RAD17: variants seen among roughly 807,000 people sequenced by gnomAD.
RAD17 encodes cell cycle checkpoint protein RAD17.
In RAD17, 31 loss-of-function variants were observed where a neutral mutation model predicts 81.5. The observed-to-expected ratio is 0.38, with a 90% CI of 0.29 to 0.51. The LOEUF (loss-of-function observed/expected upper bound fraction) is 0.51. Among genes scored for constraint, RAD17 ranks in the 20% least tolerant of loss-of-function variants. The pLI, the probability that RAD17 is intolerant of heterozygous loss-of-function variation, is 0.88. For synonymous variants in RAD17, 261 were observed against 266.2 expected (o/e 0.98, Z 0.19); for missense variants, 681 against 781.2 (o/e 0.87, Z 1.53).
intron 16 of RAD17, among the ~76,000 whole-genome samples, chr5:69,398,669 G>A (rs1485990582): frequency 6.6e-6 from 1 of 151,720 alleles, no homozygotes; most frequent in African/African-American, 2.4e-5. Flanking sequence ...TGCCAGGTGT[G>A]GTGGTGCGCT....
chr5:69,411,898 C>G (rs1766028153), intron 18 of RAD17, among the ~76,000 whole-genome samples: 1 of 152,112 alleles, frequency 6.6e-6, no homozygotes, highest in African/African-American at 2.4e-5. Context: ...GAATGAGAAT[C>G]TTCACTATTT....
intron 3 of RAD17, 93 bp from the exon 4 acceptor site, chr5:69,371,941 C>G (rs1047844117): frequency 7.3e-5 from 45 of 615,404 alleles, no homozygotes; most frequent in Non-Finnish European, 9.9e-5. Flanking sequence ...TTCATGCATG[C>G]AGGGTAGCTA....
upstream of RAD17, chr5:69,369,548 G>A (rs1209502173): frequency 3.2e-5 from 51 of 1,609,856 alleles, no homozygotes; most frequent in South Asian, 3.6e-4. Flanking sequence ...TCTACAGGGA[G>A]GAGCCGGAAG....
chr5:69,405,728 A>G lies in RAD17; in HGVS notation c.1694-4765A>G, dbSNP rs189482485. Among the ~76,000 whole-genome samples the G allele has an allele frequency of 2.6e-3, 396 of 151,962 alleles. 1 individual carries two copies. In the Middle Eastern group the frequency reaches 0.034, roughly 13 times the overall value. On this transcript the variant is annotated intron_variant, in intron 17 of 18. Transcript: ENST00000354868. ...TACCATATGATCCAGCAGTCCCACT[A>G]CTGGACATATATCCAAAGAATATGA...
At chr5:69,404,958 T>A (rs372323387) in intron 17 of RAD17, among the ~76,000 whole-genome samples, 7 of 151,958 alleles carry the variant, frequency 4.6e-5, no homozygotes, top group African/African-American at 1.7e-4. Context: ...AAGGACCAGA[T>A]AGACATTTCT....
intron 17 of RAD17, among the ~76,000 whole-genome samples, chr5:69,401,715 C>A (rs1398707024): frequency 6.6e-6 from 1 of 151,874 alleles, no homozygotes; most frequent in African/African-American, 2.4e-5. Flanking sequence ...TGGCCGGGTG[C>A]AGTGGCTCAT....
At position 69,377,486 on chromosome 5, in the gene RAD17, C is replaced by T. The variant is rs1371753492; in HGVS notation, c.351+2775C>T. The stretch of plus-strand genomic sequence containing the variant: ...ATATATATATATATACACACACACA[C>T]ATATATATACGTATATATATGTATA... On this transcript the variant is annotated intron_variant, in intron 6 of 18. Transcript: ENST00000354868. 2.2e-3 allele frequency among the ~76,000 whole-genome samples: 146 copies of T among 67,162 alleles called. 24 individuals carry two copies. The highest frequency in any genetic ancestry group is 5.7e-3 in the African/African-American group (94 of 16,566). The allele number at this position is 67,162 out of a possible 152,430, so 44.1% of individuals were successfully genotyped here. A position where few individuals can be genotyped will look rare whatever the true frequency, so the allele number is the denominator to read the frequency against.
rs570030889 is a variant in RAD17 at position 69,410,506 on chromosome 5, T to G, written c.1707T>G (p.Phe569Leu). The change falls in exon 18 of 19, where the codon TTT becomes TTG. Residue 569 changes from phenylalanine to leucine, a missense_variant. By Grantham distance (22) the Phe-to-Leu change is conservative. Coordinates refer to ENST00000354868, the MANE Select transcript of RAD17 (RefSeq NM_133338.3). Reference sequence around the variant, plus strand: ...AATCTGTTTCAGCTCAGATTTCTTTTATCCAAGATATTGGAAGGCTCCCTC... The same window carrying G: ...AATCTGTTTCAGCTCAGATTTCTTTGATCCAAGATATTGGAAGGCTCCCTC... ...IPMRNQAQIS[F>L]IQDIGRLPLK... The G allele has an allele frequency of 4.3e-5, 70 of 1,612,834 alleles. No homozygotes were observed. In the South Asian group the frequency reaches 7.4e-4, roughly 17 times the overall value.
intron 18 of RAD17, among the ~76,000 whole-genome samples, chr5:69,411,759 C>G (rs1030152559): frequency 2.6e-5 from 4 of 152,102 alleles, no homozygotes; most frequent in African/African-American, 9.7e-5. Flanking sequence ...GAAAGCAGGA[C>G]CAAGTCTCTT....
intron 18 of RAD17, among the ~76,000 whole-genome samples, chr5:69,411,644 G>T (rs1177556): frequency 6.6e-6 from 1 of 151,718 alleles, no homozygotes; most frequent in African/African-American, 2.4e-5. Flanking sequence ...CTTTCCTATC[G>T]CAGAAAGACC....
chr5:69,410,374 T>G (rs913319988), intron 17 of RAD17, 119 bp from the exon 18 acceptor site: 1 of 712,020 alleles, frequency 1.4e-6, no homozygotes, highest in African/African-American at 1.8e-5. Context: ...TATCTCACTA[T>G]GGCTTGGATT....
At chr5:69,399,152 G>C (rs900803744) in intron 16 of RAD17, among the ~76,000 whole-genome samples, 1 of 152,130 alleles carries the variant, frequency 6.6e-6, no homozygotes, top group African/African-American at 2.4e-5. Context: ...CTACTTGGGA[G>C]GCTGAATTGG....
chr5:69,377,507 G>GTATATATGTGTATATATGTGTA (rs1554038652), intron 6 of RAD17, among the ~76,000 whole-genome samples: 5 of 73,116 alleles, frequency 6.8e-5, no homozygotes, highest in Admixed American at 1.7e-4. Context: ...GTATATATAT[G>GTATATATGTGTATATATGTGTA]TATATATACG....
At chr5:69,395,151 GCTTAA>G (rs980452882) in intron 15 of RAD17, among the ~76,000 whole-genome samples, 3 of 152,206 alleles carry the variant, frequency 2.0e-5, no homozygotes, top group African/African-American at 7.2e-5. Flanking sequence ...AGTTGAATTT[GCTTAA>G]CTTTTAAAAT....
intron 6 of RAD17, among the ~76,000 whole-genome samples, chr5:69,380,234 A>T (rs767117796): frequency 2.0e-5 from 3 of 152,198 alleles, no homozygotes; most frequent in Non-Finnish European, 4.4e-5. Context: ...GGGCACTGTA[A>T]ATACATAAAC....
At chr5:69,374,131 G>T (rs781550132) in intron 5 of RAD17, 44 bp downstream of exon 5, 31 of 1,493,892 alleles carry the variant, frequency 2.1e-5, no homozygotes, top group Non-Finnish European at 2.5e-5. Flanking sequence ...TTAATTTCAG[G>T]GTGCATAAGG....
chr5:69,400,981 C>T (rs766373681), intron 17 of RAD17, among the ~76,000 whole-genome samples: 1 of 151,164 alleles, frequency 6.6e-6, no homozygotes, highest in African/African-American at 2.4e-5. Flanking sequence ...AAGAGCCGAA[C>T]GTGGTGGCTT....
intron 16 of RAD17, among the ~76,000 whole-genome samples, chr5:69,397,536 A>G (rs1047568621): frequency 6.6e-6 from 1 of 151,520 alleles, no homozygotes; most frequent in African/African-American, 2.4e-5. Flanking sequence ...GGCCAAAACA[A>G]GAGGATCACT....
At chr5:69,402,670 T>A (rs971259461) in intron 17 of RAD17, among the ~76,000 whole-genome samples, 3 of 142,342 alleles carry the variant, frequency 2.1e-5, no homozygotes, top group Admixed American at 7.1e-5. Flanking sequence ...AAAAAAAAAA[T>A]TATTTTAAAT....
Sources: gnomAD v4.1 joint callset for allele counts (sites outside exome capture counted in the v4.1 genomes callset) on GRCh38, gnomAD v4.1.1 for gene constraint, MANE v1.5 for transcripts, NCBI Gene and HGNC (gene_info 2026-07-23, HGNC 2026-07-21) for gene names.